TEAD1: variants seen among roughly 807,000 people sequenced by gnomAD.
TEAD1 encodes the protein TEA domain transcription factor 1, also known as transcriptional enhancer factor TEF-1.
In TEAD1, 9 loss-of-function variants were observed where a neutral mutation model predicts 54.9. The ratio of observed to expected loss-of-function variants is 0.16; its 90% CI spans 0.10 to 0.29. TEAD1 has a LOEUF of 0.29. TEAD1 is among the 10% of genes least tolerant of loss of function. The pLI, the probability that TEAD1 is intolerant of heterozygous loss-of-function variation, is 1.00. For missense variants in TEAD1, 387 were observed against 535.9 expected (o/e 0.72, Z 2.74); for synonymous variants, 200 against 187.8 (o/e 1.07, Z -0.53).
chr11:12,725,633 T>C (rs925947790), intron 2 of TEAD1, among the ~76,000 whole-genome samples: 5 of 152,060 alleles, frequency 3.3e-5, no homozygotes, highest in African/African-American at 4.8e-5. Context: ...TTAAAAAATA[T>C]GTGAGTGAAT....
chr11:12,739,327 G>A (rs1420476125), intron 2 of TEAD1, among the ~76,000 whole-genome samples: 1 of 152,082 alleles, frequency 6.6e-6, no homozygotes, highest in African/African-American at 2.4e-5. Context: ...ATTTTTAAGT[G>A]TACAGTTTAG....
intron 3 of TEAD1, among the ~76,000 whole-genome samples, chr11:12,820,564 A>C (rs1946523985): frequency 6.6e-6 from 1 of 152,178 alleles, no homozygotes; most frequent in Non-Finnish European, 1.5e-5. Context: ...CCCTAAAAGA[A>C]GACTTTGGAG....
At chr11:12,769,763 G>A (rs1355243658) in intron 3 of TEAD1, among the ~76,000 whole-genome samples, 2 of 152,150 alleles carry the variant, frequency 1.3e-5, no homozygotes, top group Middle Eastern at 3.2e-3. Flanking sequence ...GGTTAGAAGC[G>A]TGAAACAAAC....
intron 9 of TEAD1, among the ~76,000 whole-genome samples, chr11:12,889,085 G>A (rs1948147466): frequency 6.6e-6 from 1 of 152,232 alleles, no homozygotes; most frequent in Non-Finnish European, 1.5e-5. Flanking sequence ...AAAAACAGCA[G>A]AGGGTGAAGA....
At chr11:12,866,474 G>T in intron 5 of TEAD1, among the ~76,000 whole-genome samples, 1 of 152,010 alleles carries the variant, frequency 6.6e-6, no homozygotes, top group South Asian at 2.1e-4. Context: ...TTTCTCACTT[G>T]GTGAATTTTA....
chr11:12,761,198 A>G (rs1236865215), intron 2 of TEAD1, among the ~76,000 whole-genome samples: 3 of 152,234 alleles, frequency 2.0e-5, no homozygotes, highest in Admixed American at 1.3e-4. Flanking sequence ...GGAAGTTGTG[A>G]TTCATACCTA....
intron 10 of TEAD1, among the ~76,000 whole-genome samples, chr11:12,910,747 CTTTT>C (rs5789752): frequency 2.5e-5 from 3 of 119,926 alleles, no homozygotes; most frequent in Admixed American, 9.0e-5. Context: ...ACTTAATTTG[CTTTT>C]TTTTTTTTTT....
At chr11:12,824,203 A>G (rs1946605462) in intron 3 of TEAD1, among the ~76,000 whole-genome samples, 1 of 152,194 alleles carries the variant, frequency 6.6e-6, no homozygotes, top group Admixed American at 6.5e-5. Context: ...CTTCCTTATC[A>G]GGTTTATTGC....
chr11:12,788,878 T>A (rs1277629247), intron 3 of TEAD1, among the ~76,000 whole-genome samples: 4 of 152,236 alleles, frequency 2.6e-5, no homozygotes, highest in Admixed American at 2.6e-4. Context: ...AAGCAGGGAT[T>A]AAAAACCAAT....
At chr11:12,779,257 T>C (rs894963429) in intron 3 of TEAD1, among the ~76,000 whole-genome samples, 2 of 152,168 alleles carry the variant, frequency 1.3e-5, no homozygotes, top group Non-Finnish European at 2.9e-5. Context: ...CTAAGTAAAC[T>C]CTCACTGTAG....
chr11:12,693,692 T>G (rs916438092), intron 2 of TEAD1, among the ~76,000 whole-genome samples: 2 of 152,360 alleles, frequency 1.3e-5, no homozygotes, highest in Non-Finnish European at 2.9e-5. Context: ...TCCTCCTGTT[T>G]ATTTTGCTGT....
At chr11:12,756,258 T>C (rs144977681) in intron 2 of TEAD1, among the ~76,000 whole-genome samples, 2 of 152,324 alleles carry the variant, frequency 1.3e-5, no homozygotes, top group African/African-American at 4.8e-5. Flanking sequence ...CCTGTTGGCA[T>C]TGGCACCAAG....
At chr11:12,911,688 T>A (rs1206270341) in intron 10 of TEAD1, among the ~76,000 whole-genome samples, 1 of 152,002 alleles carries the variant, frequency 6.6e-6, no homozygotes, top group Non-Finnish European at 1.5e-5. Context: ...CTTTTTTTTT[T>A]TTTTTTAATT....
chr11:12,747,384 GGAGTGCAGTGGCACAATCTTGGCTC>G (rs1944768617), intron 2 of TEAD1, among the ~76,000 whole-genome samples: 1 of 151,970 alleles, frequency 6.6e-6, no homozygotes, highest in Non-Finnish European at 1.5e-5. Flanking sequence ...CATCCAGGCT[GGAGTGCAGTGGCACAATCTTGGCTC>G]ACTGCAACTC....
intron 3 of TEAD1, among the ~76,000 whole-genome samples, chr11:12,835,864 C>T (rs1590197240): frequency 6.6e-6 from 1 of 152,096 alleles, no homozygotes. Flanking sequence ...AGGTCTTAGT[C>T]AACGGGTACA....
At chr11:12,852,863 G>A (rs966893374) in intron 3 of TEAD1, among the ~76,000 whole-genome samples, 2 of 152,240 alleles carry the variant, frequency 1.3e-5, no homozygotes, top group Non-Finnish European at 2.9e-5. Flanking sequence ...GAGTCTGATT[G>A]TGGGCGGTTC....
At chr11:12,910,747 C>CTTTTTTTTTTTTTTTTTTTTT (rs5789752) in intron 10 of TEAD1, among the ~76,000 whole-genome samples, 1 of 119,934 alleles carries the variant, frequency 8.3e-6, no homozygotes, top group Non-Finnish European at 1.7e-5. Flanking sequence ...ACTTAATTTG[C>CTTTTTTTTTTTTTTTTTTTTT]TTTTTTTTTT....
intron 2 of TEAD1, among the ~76,000 whole-genome samples, chr11:12,746,713 G>T (rs1944751927): frequency 6.6e-6 from 1 of 152,200 alleles, no homozygotes; most frequent in African/African-American, 2.4e-5. Context: ...CCGCATGCGT[G>T]GTTTAGGCAG....
rs1948003061 is a variant in TEAD1, at chr11:12,883,057, A to G, written c.631A>G (p.Ile211Val). Residue 211 changes from isoleucine to valine, a missense_variant, in exon 9 of 13, where the codon ATT (isoleucine) becomes GTT (valine). This residue lies in a region of TEAD1 where 180 missense variants were observed against 180.6 expected (regional missense o/e 1.00). Coordinates refer to ENST00000527636, the MANE Select transcript of TEAD1 (RefSeq NM_021961.6). ...AGTCCCTGCCTGGCAAGGTCGCTCC[A>G]TTGGCACAACCAAGCTTCGCCTGGT... 1 of 1,614,148 alleles carries G rather than the reference A, an allele frequency of 6.2e-7. No individual in the cohort carries two copies. The highest frequency in any genetic ancestry group is 8.5e-7 in the Non-Finnish European group (1 of 1,180,024).
Sources: gnomAD v4.1 joint callset for allele counts (sites outside exome capture counted in the v4.1 genomes callset) on GRCh38, gnomAD v4.1.1 for gene constraint, gnomAD v4.1.1 regional missense constraint, MANE v1.5 for transcripts, NCBI Gene and HGNC (gene_info 2026-07-23, HGNC 2026-07-21) for gene names.